The following KIF23 variants were observed in gnomAD, a reference collection of about 807,000 sequenced individuals.
KIF23 encodes the protein kinesin family member 23, also known as kinesin-like protein KIF23.
Under a neutral mutation model 137.5 loss-of-function variants are expected in KIF23, and 30 were observed. That is an observed-to-expected ratio of 0.22 (90% CI 0.16 to 0.30). The LOEUF (loss-of-function observed/expected upper bound fraction) is 0.30, where lower values mean the gene tolerates loss of function less well. KIF23 is among the 10% of genes least tolerant of loss of function. The probability of loss-of-function intolerance (pLI) is 1.00; values close to 1 mark genes in which losing one functional copy is unlikely to be tolerated. For missense variants in KIF23, 920 were observed against 1,194.3 expected (o/e 0.77, Z 3.38); for synonymous variants, 367 against 391.1 (o/e 0.94, Z 0.73).
rs760104052 is a variant in KIF23, at chr15:69,436,221, G to A, written c.1398G>A (p.Gly466=). Reference sequence around the variant, plus strand: ...AGGCAATATGTGGTTTAACGCCTGGGAGGAGATACAGAAACCAGCCTCGAG... The same window carrying A: ...AGGCAATATGTGGTTTAACGCCTGGAAGGAGATACAGAAACCAGCCTCGAG... ...VDKAICGLTP[G]RRYRNQPRGP... Residue 466 remains glycine, a synonymous_variant, in exon 14 of 24, where the codon GGG becomes GGA. Coordinates refer to ENST00000679126, the MANE Select transcript of KIF23 (RefSeq NM_001367805.3). The A allele has an allele frequency of 1.2e-6, 2 of 1,614,020 alleles. No homozygotes were observed. The highest frequency in any genetic ancestry group is 1.7e-6 in the Non-Finnish European group (2 of 1,179,982).
intron 11 of KIF23, among the ~76,000 whole-genome samples, chr15:69,433,745 T>C (rs1272916645): frequency 6.6e-6 from 1 of 152,044 alleles, no homozygotes; most frequent in Non-Finnish European, 1.5e-5. Flanking sequence ...TATTTTATTA[T>C]TTTTATTTTT....
At chr15:69,428,165 G>A (rs1323597427) in intron 10 of KIF23, among the ~76,000 whole-genome samples, 1 of 151,968 alleles carries the variant, frequency 6.6e-6, no homozygotes, top group Admixed American at 6.6e-5. Flanking sequence ...TGAGGCAGGA[G>A]AATTGTTTGA....
chr15:69,435,349 T>A (rs1350296166), intron 11 of KIF23, 134 bp from the exon 12 acceptor site: 1 of 673,524 alleles, frequency 1.5e-6, no homozygotes, highest in East Asian at 2.7e-5. Flanking sequence ...CTCTTTATAT[T>A]GAGCCACAAA....
chr15:69,441,356 A>G (rs1432871027), intron 19 of KIF23, among the ~76,000 whole-genome samples: 1 of 152,174 alleles, frequency 6.6e-6, no homozygotes, highest in African/African-American at 2.4e-5. Flanking sequence ...GCATACGCTA[A>G]TAAGCTTTGC....
intron 6 of KIF23, among the ~76,000 whole-genome samples, 158 bp downstream of exon 6, chr15:69,422,593 C>T (rs1487134488): frequency 1.3e-5 from 2 of 152,152 alleles, no homozygotes; most frequent in East Asian, 3.8e-4. Flanking sequence ...CAGATGTTTT[C>T]TCTTTGGCTT....
At chr15:69,421,815 T>C in intron 4 of KIF23, 63 bp downstream of exon 4, 1 of 1,352,002 alleles carries the variant, frequency 7.4e-7, no homozygotes, top group South Asian at 1.2e-5. Flanking sequence ...ATAAAACTTT[T>C]TTGATATTTA....
intron 11 of KIF23, among the ~76,000 whole-genome samples, chr15:69,433,181 G>C (rs965270973): frequency 1.3e-5 from 2 of 152,310 alleles, no homozygotes; most frequent in Middle Eastern, 3.4e-3. Context: ...GTCAAGGAAC[G>C]TAAATCATGA....
At chr15:69,445,138 C>T in intron 20 of KIF23, 97 bp downstream of exon 20, 2 of 1,123,014 alleles carry the variant, frequency 1.8e-6, no homozygotes, top group Non-Finnish European at 2.5e-6. Context: ...CAGGTAGTGT[C>T]AACTGGAACA....
At chr15:69,414,558 G>GGGGCAGGCGTCT (rs2140299590) in intron 1 of KIF23, 82 bp downstream of exon 1, 29 of 1,375,670 alleles carry the variant, frequency 2.1e-5, no homozygotes, top group African/African-American at 9.0e-5. Context: ...CTCCACTCAG[G>GGGGCAGGCGTCT]CCGCGGCCGT....
chr15:69,415,621 C>T (rs1173914413), intron 1 of KIF23, among the ~76,000 whole-genome samples: 1 of 152,096 alleles, frequency 6.6e-6, no homozygotes, highest in Non-Finnish European at 1.5e-5. Context: ...CCTCCATGTG[C>T]ATTTTTATAG....
At chr15:69,417,880 A>G (rs183672965) in intron 3 of KIF23, among the ~76,000 whole-genome samples, 118 of 152,042 alleles carry the variant, frequency 7.8e-4, no homozygotes, top group African/African-American at 2.7e-3. Context: ...ACTTGCATCA[A>G]CCTCCTATGC....
intron 11 of KIF23, among the ~76,000 whole-genome samples, chr15:69,435,275 G>A (rs535589704): frequency 6.6e-6 from 1 of 152,258 alleles, no homozygotes; most frequent in African/African-American, 2.4e-5. Context: ...ATCCCTGAAG[G>A]ATGGCTGTTT....
chr15:69,444,756 C>T lies in KIF23; in HGVS notation c.2422-34C>T, dbSNP rs1182095138. 4 of 1,603,994 alleles carry T rather than the reference C, an allele frequency of 2.5e-6. No homozygotes were observed. The highest frequency in any genetic ancestry group is 2.6e-6 in the Non-Finnish European group (3 of 1,173,552). The stretch of plus-strand genomic sequence containing the variant: ...AACCTGCTGCACTTCTAATAATACC[C>T]TTAAATTAATTCTGGGTTATGCTTG... On this transcript the variant is annotated intron_variant, in intron 19 of 23. Transcript: ENST00000679126. The surrounding 1 kb of genome is among the most constrained non-coding windows in gnomAD (Gnocchi z 4.2).
intron 1 of KIF23, among the ~76,000 whole-genome samples, chr15:69,415,619 T>C (rs948410177): frequency 2.0e-5 from 3 of 152,230 alleles, no homozygotes; most frequent in African/African-American, 7.2e-5. Flanking sequence ...TTCCTCCATG[T>C]GCATTTTTAT....
rs769604414 is a variant in KIF23 at position 69,440,391 on chromosome 15, T to C, written c.2013T>C (p.Ile671=). Residue 671 remains isoleucine, a synonymous_variant, in exon 18 of 24, where the codon ATT becomes ATC. Coordinates refer to ENST00000679126, the MANE Select transcript of KIF23 (RefSeq NM_001367805.3). ...KDEKLKQLKA[I]VTEPKTEKPE... Reference sequence around the variant, plus strand: ...AAAAGCTGAAACAACTGAAGGCTATTGTTACCGAACCTAAAACTGAGAAGC... The same window carrying C: ...AAAAGCTGAAACAACTGAAGGCTATCGTTACCGAACCTAAAACTGAGAAGC... 9.3e-6 allele frequency: 15 copies of C among 1,613,944 alleles called. No homozygotes were observed. In the East Asian group the frequency reaches 2.5e-4, roughly 26 times the overall value.
intron 10 of KIF23, 38 bp from the exon 11 acceptor site, chr15:69,429,073 T>C (rs779733182): frequency 1.5e-6 from 2 of 1,353,814 alleles, no homozygotes; most frequent in African/African-American, 1.5e-5. Context: ...AAACCAGTTA[T>C]AACCCATTTT....
At chr15:69,438,135 C>A in intron 15 of KIF23, 113 bp from the exon 16 acceptor site, 1 of 905,460 alleles carries the variant, frequency 1.1e-6, no homozygotes, top group Non-Finnish European at 1.6e-6. Context: ...TAGACTGATT[C>A]TCACAGAGAT....
chr15:69,430,200 A>G (rs765959104), intron 11 of KIF23, among the ~76,000 whole-genome samples: 14 of 152,180 alleles, frequency 9.2e-5, no homozygotes, highest in Non-Finnish European at 1.8e-4. Flanking sequence ...GTTTTTTAAA[A>G]TTCATGCATG....
At chr15:69,415,348 A>G (rs1421389226) in intron 1 of KIF23, among the ~76,000 whole-genome samples, 1 of 152,254 alleles carries the variant, frequency 6.6e-6, no homozygotes, top group Non-Finnish European at 1.5e-5. Context: ...TTTTTAAACT[A>G]CAGTCGAAGC....
Sources: gnomAD v4.1 joint callset for allele counts (sites outside exome capture counted in the v4.1 genomes callset) on GRCh38, gnomAD v4.1.1 for gene constraint, Gnocchi (gnomAD v3.1) non-coding constraint, MANE v1.5 for transcripts, NCBI Gene and HGNC (gene_info 2026-07-23, HGNC 2026-07-21) for gene names.